CFAP47: variants seen among roughly 807,000 people sequenced by gnomAD.
CFAP47 encodes the protein cilia- and flagella-associated protein 47.
A neutral mutation model predicts 148.1 loss-of-function variants in CFAP47; 29 were observed. That is an observed-to-expected ratio of 0.20 (90% CI 0.15 to 0.27). CFAP47 has a LOEUF of 0.27. Among genes scored for constraint, CFAP47 ranks in the 10% least tolerant of loss-of-function variants. CFAP47 has a pLI of 1.00. For missense variants in CFAP47, 1,872 were observed against 1,697.5 expected (o/e 1.10, Z -1.81); for synonymous variants, 664 against 577.3 (o/e 1.15, Z -2.15).
chrX:36,090,777 T>C (rs1259727255), intron 30 of CFAP47, among the ~76,000 whole-genome samples: 6 of 111,421 alleles, frequency 5.4e-5, no homozygotes, highest in Non-Finnish European at 1.1e-4. Flanking sequence ...TTAAATTTGA[T>C]AATACAATAG....
At chrX:36,060,693 C>T (rs748835241) in intron 26 of CFAP47, among the ~76,000 whole-genome samples, 2 of 111,520 alleles carry the variant, frequency 1.8e-5, no homozygotes, top group Non-Finnish European at 3.8e-5. Flanking sequence ...CTTCCTTGGA[C>T]TTAGGGGGAT....
chrX:36,139,224 T>C (rs1939098732), intron 35 of CFAP47, among the ~76,000 whole-genome samples: 1 of 111,652 alleles, frequency 9.0e-6, no homozygotes, highest in African/African-American at 3.3e-5. Context: ...AGAGACAGAA[T>C]TTAATTGGCA....
chrX:36,042,995 A>G (rs982618366), intron 25 of CFAP47, among the ~76,000 whole-genome samples: 4 of 111,657 alleles, frequency 3.6e-5, no homozygotes, highest in African/African-American at 1.3e-4. Flanking sequence ...TCATAGATGA[A>G]TAGTTATTGG....
chrX:36,233,433 C>A (rs1555993169), intron 46 of CFAP47, among the ~76,000 whole-genome samples: 1 of 111,097 alleles, frequency 9.0e-6, no homozygotes, highest in Non-Finnish European at 1.9e-5. Flanking sequence ...ACTAGGATTG[C>A]AACCCCTGCC....
chrX:35,926,612 T>A (rs1935744896), intron 2 of CFAP47, among the ~76,000 whole-genome samples: 1 of 111,690 alleles, frequency 9.0e-6, no homozygotes, highest in Admixed American at 9.5e-5. Flanking sequence ...TCATTTGTTG[T>A]TTTTTAATAT....
chrX:36,373,825 T>A (rs782373307), intron 62 of CFAP47, among the ~76,000 whole-genome samples: 9 of 112,248 alleles, frequency 8.0e-5, no homozygotes, highest in African/African-American at 2.9e-4. Context: ...TCCGTTGGGA[T>A]GATCATGTAG....
At chrX:36,258,177 T>C (rs1940776487) in intron 49 of CFAP47, among the ~76,000 whole-genome samples, 1 of 112,321 alleles carries the variant, frequency 8.9e-6, no homozygotes. Context: ...TACACTGGAA[T>C]GGGATCTTTT....
chrX:36,180,841 T>C (rs1939742033), intron 40 of CFAP47, among the ~76,000 whole-genome samples: 1 of 112,229 alleles, frequency 8.9e-6, no homozygotes, highest in Non-Finnish European at 1.9e-5. Context: ...AAAATATGAA[T>C]TGATGTATTG....
chrX:36,247,950 T>C (rs781869648), intron 48 of CFAP47, among the ~76,000 whole-genome samples: 1 of 110,699 alleles, frequency 9.0e-6, no homozygotes, highest in South Asian at 3.7e-4. Flanking sequence ...AAGTAAAACA[T>C]ATACCATGAA....
At chrX:35,976,380 G>A (rs113088717) in intron 15 of CFAP47, among the ~76,000 whole-genome samples, 3,593 of 111,263 alleles carry the variant, frequency 0.032, 58 homozygotes, top group Non-Finnish European at 0.051. Flanking sequence ...AGACCCACCC[G>A]CATTATGAAA....
chrX:36,328,816 C>CAAAA (rs782618340), intron 57 of CFAP47, among the ~76,000 whole-genome samples: 3 of 56,403 alleles, frequency 5.3e-5, no homozygotes, highest in Non-Finnish European at 3.3e-5. Flanking sequence ...GACTCTGTCT[C>CAAAA]AAAAAAAAAA....
At chrX:36,381,228 C>G (rs1942075285) in intron 63 of CFAP47, among the ~76,000 whole-genome samples, 1 of 111,560 alleles carries the variant, frequency 9.0e-6, no homozygotes, top group African/African-American at 3.3e-5. Context: ...ACTCTCTTCC[C>G]CACCTTCTGT....
intron 57 of CFAP47, among the ~76,000 whole-genome samples, chrX:36,345,823 A>G (rs781850017): frequency 1.8e-5 from 2 of 111,762 alleles, no homozygotes; most frequent in South Asian, 3.7e-4. Flanking sequence ...TTAATTATTG[A>G]TTATTATTAA....
chrX:36,164,776 G>GGTTT (rs776658346), intron 39 of CFAP47, among the ~76,000 whole-genome samples: 99 of 111,197 alleles, frequency 8.9e-4, no homozygotes, highest in African/African-American at 3.1e-3. Context: ...TTGGTTTTCT[G>GGTTT]GTTTGTTTGT....
chrX:36,190,896 A>T (rs1198685031), intron 42 of CFAP47, among the ~76,000 whole-genome samples: 3 of 111,506 alleles, frequency 2.7e-5, no homozygotes, highest in Non-Finnish European at 5.7e-5. Context: ...TTAGGAAGAA[A>T]TTTATAACCC....
At chrX:35,981,697 C>G (rs775394100) in intron 15 of CFAP47, among the ~76,000 whole-genome samples, 3 of 110,872 alleles carry the variant, frequency 2.7e-5, no homozygotes, top group Non-Finnish European at 5.7e-5. Flanking sequence ...TCAAGTAGTA[C>G]GCAAAGTCTG....
intron 45 of CFAP47, among the ~76,000 whole-genome samples, chrX:36,226,156 T>A (rs1555991506): frequency 8.9e-6 from 1 of 111,811 alleles, no homozygotes; most frequent in Non-Finnish European, 1.9e-5. Context: ...TTCTGGATGA[T>A]CTATGTGAGA....
chrX:36,102,540 C>T (rs1938394451), intron 32 of CFAP47, among the ~76,000 whole-genome samples: 1 of 111,088 alleles, frequency 9.0e-6, no homozygotes, highest in Non-Finnish European at 1.9e-5. Flanking sequence ...AGTGTAATGG[C>T]TCTTCCAATA....
chrX:36,207,739 A>G (rs1940054449), intron 45 of CFAP47, among the ~76,000 whole-genome samples: 1 of 110,859 alleles, frequency 9.0e-6, no homozygotes, highest in Non-Finnish European at 1.9e-5. Flanking sequence ...GTAGATATTG[A>G]CTTACAATCC....
Sources: allele counts gnomAD v4.1 joint callset (sites outside exome capture counted in the v4.1 genomes callset), GRCh38; gene constraint gnomAD v4.1.1; transcripts MANE v1.5; gene names NCBI Gene and HGNC (gene_info 2026-07-23, HGNC 2026-07-21).